The following SORCS2 variants were observed in gnomAD, a reference collection of about 807,000 sequenced individuals.
The protein encoded by SORCS2 is VPS10 domain-containing receptor SorCS2.
SORCS2 carries 100 observed loss-of-function variants against 141.6 expected under a neutral mutation model. The observed-to-expected ratio is 0.71, with a 90% CI of 0.60 to 0.83. The LOEUF (loss-of-function observed/expected upper bound fraction) is 0.83. SORCS2 is among the 40% of genes least tolerant of loss of function. The pLI, the probability that SORCS2 is intolerant of heterozygous loss-of-function variation, is 0.00. For missense variants in SORCS2, 1,646 were observed against 1,560.2 expected, an observed-to-expected ratio of 1.05 and a Z score of -0.93; for synonymous variants, 789 against 676.9, an observed-to-expected ratio of 1.17 and a Z score of -2.57.
rs148524940 is a variant in SORCS2 at position 7,562,503 on chromosome 4, G to A, written c.648+30874G>A. ...GGTTGGCAAACGTTTTCTGTAAAGG[G>A]CTAGATGGTACATACTTTAAGCTTT... On this transcript the variant is annotated intron_variant, in intron 3 of 26. Coordinates refer to ENST00000507866, the MANE Select transcript of SORCS2 (RefSeq NM_020777.3). 4.3e-3 allele frequency among the ~76,000 whole-genome samples: 656 copies of A among 152,252 alleles called. 2 individuals carry two copies. Among genetic ancestry groups the A allele is most frequent in the African/African-American group, 0.014 (600 of 41,518 alleles).
rs1274164847 is a variant in SORCS2, at chr4:7,566,052, GTGA to G, written c.648+34435_648+34437del. On this transcript the variant is annotated intron_variant, in intron 3 of 26. Coordinates refer to ENST00000507866, the MANE Select transcript of SORCS2 (RefSeq NM_020777.3). ...GATAATGATAGTGATGATGGCGATG[GTGA>G]TGATGATGATGGTGATGACGGTAAT... Among the ~76,000 whole-genome samples, 95 of 145,132 alleles carry G rather than the reference GTGA, an allele frequency of 6.5e-4. 5 individuals carry two copies. The highest frequency in any genetic ancestry group is 1.2e-3 in the Non-Finnish European group (81 of 66,514).
intron 11 of SORCS2, among the ~76,000 whole-genome samples, chr4:7,689,811 T>G (rs746018399): frequency 6.6e-6 from 1 of 152,192 alleles, no homozygotes. Context: ...AATGGAAAGA[T>G]GGACAGATGG....
At chr4:7,242,608 C>G (rs1166213470) in intron 1 of SORCS2, among the ~76,000 whole-genome samples, 1 of 152,186 alleles carries the variant, frequency 6.6e-6, no homozygotes, top group Non-Finnish European at 1.5e-5. Flanking sequence ...GTCCTTTGCT[C>G]TCTCTTTCTG....
intron 2 of SORCS2, among the ~76,000 whole-genome samples, chr4:7,500,458 C>A (rs569226992): frequency 1.8e-4 from 28 of 152,108 alleles, no homozygotes; most frequent in Non-Finnish European, 4.1e-4. Flanking sequence ...GTGGGTGCTA[C>A]CCACACTGAA....
At chr4:7,270,279 C>G (rs922504945) in intron 1 of SORCS2, among the ~76,000 whole-genome samples, 12 of 152,258 alleles carry the variant, frequency 7.9e-5, no homozygotes, top group African/African-American at 2.9e-4. Context: ...TGACAGCACG[C>G]GTGTGGGTGC....
Position 7,215,386 on chromosome 4 carries a change from G to A in SORCS2, c.480+22260G>A, listed in dbSNP as rs376062624. On this transcript the variant is annotated intron_variant, in intron 1 of 26. Transcript: ENST00000507866. ...TTCCGCGGGGCAGGGCTCGGGACCT[G>A]CAGCCCGCCATGCCTGAGCCTTCCC... 4.6e-5 allele frequency among the ~76,000 whole-genome samples: 7 copies of A among 152,366 alleles called. 1 individual carries two copies. The highest frequency in any genetic ancestry group is 1.7e-4 in the African/African-American group (7 of 41,594).
intron 1 of SORCS2, among the ~76,000 whole-genome samples, chr4:7,287,643 G>T (rs914906719): frequency 2.0e-5 from 3 of 152,230 alleles, no homozygotes; most frequent in Non-Finnish European, 4.4e-5. Context: ...CCAGTGGACT[G>T]TTTGTGTCTT....
At chr4:7,706,168 G>A (rs1335987834) in intron 14 of SORCS2, among the ~76,000 whole-genome samples, 1 of 112,066 alleles carries the variant, frequency 8.9e-6, no homozygotes. Context: ...CTCCGTCTGG[G>A]CAGGGATGAG....
intron 2 of SORCS2, among the ~76,000 whole-genome samples, chr4:7,436,529 G>C (rs55940052): frequency 0.54 from 82,405 of 152,132 alleles, 23,059 homozygotes; most frequent in Middle Eastern, 0.6. Flanking sequence ...CAGGAGGCCA[G>C]AATGTCCTCC....
At chr4:7,301,782 A>G (rs191370023) in intron 1 of SORCS2, among the ~76,000 whole-genome samples, 2 of 152,336 alleles carry the variant, frequency 1.3e-5, no homozygotes, top group Non-Finnish European at 2.9e-5. Context: ...GGCCTCCCAA[A>G]TGATGTCGCT....
chr4:7,305,714 G>C (rs1306001495), intron 1 of SORCS2, among the ~76,000 whole-genome samples: 1 of 152,188 alleles, frequency 6.6e-6, no homozygotes, highest in East Asian at 1.9e-4. Flanking sequence ...CCCAGGTCTA[G>C]GGAGACCTTC....
chr4:7,648,221 G>A lies in SORCS2; in HGVS notation c.814-5913G>A, dbSNP rs973570885. On this transcript the variant is annotated intron_variant, in intron 4 of 26. Coordinates refer to ENST00000507866, the MANE Select transcript of SORCS2 (RefSeq NM_020777.3). This position sits in a 1 kb window ranked among gnomAD's most constrained non-coding sequence, Gnocchi z 4.2. ...AGGAGGAGGAGGAGGAGGAAGACAC[G>A]GAGGCTGGAGGAGCAGGGCTGGTTG... is the stretch of plus-strand genomic sequence containing the variant. 2.6e-5 allele frequency among the ~76,000 whole-genome samples: 4 copies of A among 152,140 alleles called. No individual in the cohort carries two copies. Among genetic ancestry groups the A allele is most frequent in the African/African-American group, 9.7e-5 (4 of 41,422 alleles).
rs189641683 is a variant in SORCS2, at chr4:7,584,160, T to C, written c.648+52531T>C. Reference sequence around the variant, plus strand: ...ATAGAATCTGTTGCATAGCAGGTGTTCCATAAATGCTGGTTTGCTAAATCA... The same window carrying C: ...ATAGAATCTGTTGCATAGCAGGTGTCCCATAAATGCTGGTTTGCTAAATCA... On this transcript the variant is annotated intron_variant, in intron 3 of 26. Transcript: ENST00000507866. Among the ~76,000 whole-genome samples, 5 of 152,340 alleles carry C rather than the reference T, an allele frequency of 3.3e-5. No homozygotes were observed. The East Asian group carries it at 9.6e-4, about 29-fold the overall frequency.
Position 7,726,821 on chromosome 4 carries a change from G to A in SORCS2, c.2787G>A (p.Ser929=), listed in dbSNP as rs1289828163. ...SLDNSVTTRF[S]DTGDVRVTVQ... Reference sequence around the variant, plus strand: ...ATAATTCTGTGACAACGCGGTTTTCGGACACGGGCGACGTGCGTGTGACGG... The same window carrying A: ...ATAATTCTGTGACAACGCGGTTTTCAGACACGGGCGACGTGCGTGTGACGG... The change falls in exon 21 of 27, where the codon TCG becomes TCA. Residue 929 remains serine, a synonymous_variant. Transcript: ENST00000507866. 6 of 1,613,794 alleles carry A rather than the reference G, an allele frequency of 3.7e-6. No homozygotes were observed. Among genetic ancestry groups the A allele is most frequent in the Middle Eastern group, 3.3e-4 (2 of 6,062 alleles).
At chr4:7,455,906 CTG>C (rs370092044) in intron 2 of SORCS2, among the ~76,000 whole-genome samples, 224 of 152,298 alleles carry the variant, frequency 1.5e-3, no homozygotes, top group Non-Finnish European at 2.7e-3. Context: ...GCATCAGATG[CTG>C]TGTTAGTCCA....
intron 1 of SORCS2, among the ~76,000 whole-genome samples, chr4:7,351,395 C>T (rs1720930425): frequency 6.6e-6 from 1 of 152,202 alleles, no homozygotes; most frequent in Admixed American, 6.5e-5. Context: ...TCTCTGCTCT[C>T]CTTCCAGCTC....
In SORCS2 at chr4:7,663,485, G is replaced by A. The variant is rs976980978; in HGVS notation, c.953-868G>A. On this transcript the variant is annotated intron_variant, in intron 6 of 26. Coordinates refer to ENST00000507866, the MANE Select transcript of SORCS2 (RefSeq NM_020777.3). The surrounding 1 kb of genome is among the most constrained non-coding windows in gnomAD (Gnocchi z 4.8). ...CCGGGCACACCAGTCAGTTTCAAGG[G>A]AACATGGATGTGGCTCAGGAGGGCT... 1.3e-5 allele frequency among the ~76,000 whole-genome samples: 2 copies of A among 152,232 alleles called. No homozygotes were observed. The highest frequency in any genetic ancestry group is 2.9e-5 in the Non-Finnish European group (2 of 68,046).
intron 2 of SORCS2, among the ~76,000 whole-genome samples, chr4:7,441,578 G>A (rs1441692977): frequency 6.6e-6 from 1 of 151,902 alleles, no homozygotes; most frequent in Non-Finnish European, 1.5e-5. Flanking sequence ...AGCCAAGGAA[G>A]GGTAGAGCCT....
intron 2 of SORCS2, among the ~76,000 whole-genome samples, chr4:7,454,642 G>A (rs532084402): frequency 8.2e-6 from 1 of 121,924 alleles, no homozygotes; most frequent in African/African-American, 3.2e-5. Context: ...GTGTGTTGGG[G>A]TCAGGCACTG....
Sources: gnomAD v4.1 joint callset for allele counts (sites outside exome capture counted in the v4.1 genomes callset) on GRCh38, gnomAD v4.1.1 for gene constraint, Gnocchi (gnomAD v3.1) non-coding constraint, MANE v1.5 for transcripts, NCBI Gene and HGNC (gene_info 2026-07-23, HGNC 2026-07-21) for gene names.